FAM20C: variants seen among roughly 807,000 people sequenced by gnomAD.
FAM20C encodes FAM20C golgi associated secretory pathway kinase.
Under a neutral mutation model 51.5 loss-of-function variants are expected in FAM20C, and 40 were observed. The ratio of observed to expected loss-of-function variants is 0.78; its 90% CI spans 0.60 to 1.01. FAM20C has a LOEUF of 1.01. Ranked by LOEUF, FAM20C falls within the 50% of genes least tolerant of loss-of-function variation. FAM20C has a pLI of 0.00. For synonymous variants in FAM20C, 406 were observed against 380.6 expected (o/e 1.07, Z -0.78); for missense variants, 861 against 844.7 (o/e 1.02, Z -0.24).
intron 5 of FAM20C, among the ~76,000 whole-genome samples, chr7:255,600 CCT>C (rs1200565500): frequency 6.6e-6 from 1 of 152,136 alleles, no homozygotes; most frequent in Non-Finnish European, 1.5e-5. Flanking sequence ...TAGACCAGCC[CCT>C]GATTTTCGAG....
At chr7:198,704 A>T (rs1249853640) in intron 2 of FAM20C, among the ~76,000 whole-genome samples, 1 of 152,202 alleles carries the variant, frequency 6.6e-6, no homozygotes, top group Non-Finnish European at 1.5e-5. Context: ...ATGTGCAAAT[A>T]CGAGTAAAGA....
Position 256,758 on chromosome 7 carries a change from T to A in FAM20C, c.1358T>A (p.Leu453His). The part of the protein sequence containing the change: ...DVMDMTIFDF[L>H]MGNMDRHHYE... ...ATGGACATGACGATCTTCGACTTCC[T>A]CATGGGTACGTCCCGCAGGGGCACG... is the stretch of plus-strand genomic sequence containing the variant. Residue 453 changes from leucine to histidine, a missense_variant, in exon 7 of 10, where the codon CTC becomes CAC. Transcript: ENST00000313766. 1 of 1,536,000 alleles carries A rather than the reference T, an allele frequency of 6.5e-7. No individual in the cohort carries two copies. Among genetic ancestry groups the A allele is most frequent in the Non-Finnish European group, 8.7e-7 (1 of 1,146,746 alleles).
chr7:230,527 TG>T (rs1787629130), intron 3 of FAM20C, among the ~76,000 whole-genome samples: 2 of 151,752 alleles, frequency 1.3e-5, no homozygotes, highest in South Asian at 4.2e-4. Flanking sequence ...GGATGGAGGG[TG>T]GCCGGGCCGT....
intron 3 of FAM20C, among the ~76,000 whole-genome samples, chr7:224,042 G>T (rs935154135): frequency 5.3e-5 from 8 of 149,718 alleles, no homozygotes; most frequent in Non-Finnish European, 7.4e-5. Flanking sequence ...TGTCCCCTGA[G>T]CCTTCTCTCA....
At chr7:253,085 C>T (rs1455227149) in intron 5 of FAM20C, among the ~76,000 whole-genome samples, 3 of 152,214 alleles carry the variant, frequency 2.0e-5, no homozygotes, top group African/African-American at 7.2e-5. Context: ...CTGGGCTGGG[C>T]AGGGCGGTCC....
intron 3 of FAM20C, among the ~76,000 whole-genome samples, chr7:235,299 G>T (rs1007417555): frequency 4.6e-5 from 7 of 152,010 alleles, no homozygotes; most frequent in African/African-American, 1.7e-4. Flanking sequence ...TGGGGTATCC[G>T]GCGCCTTCTG....
chr7:258,714 C>T lies in FAM20C; in HGVS notation c.1505+9C>T, dbSNP rs1313665594. On this transcript the variant is annotated intron_variant, in intron 9 of 9. Transcript: ENST00000313766. ...CTACAGCAGTGCTGCAGGTACAGCC[C>T]CTGCCGGAGCCGGCTCCAGCTCCAC... is the stretch of plus-strand genomic sequence containing the variant. 2 of 1,533,398 alleles carry T rather than the reference C, an allele frequency of 1.3e-6. No homozygotes were observed. Among genetic ancestry groups the T allele is most frequent in the African/African-American group, 2.7e-5 (2 of 72,976 alleles). 95.0% of individuals were successfully genotyped at this position (1,533,398 alleles called of 1,614,324 possible). A position where few individuals can be genotyped will look rare whatever the true frequency, so the allele number is the denominator to read the frequency against.
chr7:241,492 C>T (rs1033123587), intron 3 of FAM20C, among the ~76,000 whole-genome samples: 1 of 152,076 alleles, frequency 6.6e-6, no homozygotes, highest in Non-Finnish European at 1.5e-5. Flanking sequence ...AGGGAAAGAT[C>T]GATGGAGCCG....
chr7:203,158 G>A (rs1361210945), intron 2 of FAM20C, among the ~76,000 whole-genome samples: 1 of 152,182 alleles, frequency 6.6e-6, no homozygotes, highest in Non-Finnish European at 1.5e-5. Context: ...GGGCATCAGA[G>A]GGATCAGCTC....
At chr7:242,731 C>T (rs1465019842) in intron 3 of FAM20C, among the ~76,000 whole-genome samples, 1 of 152,214 alleles carries the variant, frequency 6.6e-6, no homozygotes, top group Non-Finnish European at 1.5e-5. Context: ...TTTCGAGTGT[C>T]CCACAGCCAT....
In FAM20C at chr7:192,723, G is replaced by GC. The variant is rs1469987302; in HGVS notation, c.-474dup. The stretch of plus-strand genomic sequence containing the variant: ...GGGCGCGGCGTGAGAGCAGAGCCCG[G>GC]CCCGGAGGAGCCGCCCCTTCCCCGC... On this transcript the variant is annotated 5_prime_UTR_variant, in exon 1 of 10. Transcript: ENST00000313766. Among the ~76,000 whole-genome samples the GC allele has an allele frequency of 2.0e-5, 3 of 148,824 alleles. No homozygotes were observed. Among genetic ancestry groups the GC allele is most frequent in the Non-Finnish European group, 3.0e-5 (2 of 66,628 alleles).
At chr7:200,890 A>G (rs1371756576) in intron 2 of FAM20C, among the ~76,000 whole-genome samples, 1 of 152,084 alleles carries the variant, frequency 6.6e-6, no homozygotes, top group Non-Finnish European at 1.5e-5. Context: ...GTAGGTTCCC[A>G]CAGTTCTAGC....
chr7:223,136 A>T (rs925204859), intron 3 of FAM20C, among the ~76,000 whole-genome samples: 1 of 152,076 alleles, frequency 6.6e-6, no homozygotes, highest in Non-Finnish European at 1.5e-5. Context: ...GTGTGTTCCT[A>T]TGAAGGGCAG....
At chr7:256,537 G>T in intron 6 of FAM20C, 117 bp from the exon 7 acceptor site, 3 of 813,170 alleles carry the variant, frequency 3.7e-6, no homozygotes, top group Non-Finnish European at 5.9e-6. Flanking sequence ...AGCCCGGGCG[G>T]GTCCATCTGC....
At chr7:203,648 G>A (rs755921212) in intron 2 of FAM20C, among the ~76,000 whole-genome samples, 5 of 152,202 alleles carry the variant, frequency 3.3e-5, no homozygotes, top group South Asian at 2.1e-4. Flanking sequence ...ACAGGAAGCC[G>A]AGTCCTCAGT....
In FAM20C at chr7:256,566, C is replaced by T. The variant is rs1005750515; in HGVS notation, c.1254-88C>T. 35 of 1,081,360 alleles carry T rather than the reference C, an allele frequency of 3.2e-5. 1 individual carries two copies. The highest frequency in any genetic ancestry group is 2.6e-4 in the Middle Eastern group (1 of 3,858). The allele number at this position is 1,081,360 out of a possible 1,614,324, so 67.0% of individuals were successfully genotyped here. A position where few individuals can be genotyped will look rare whatever the true frequency, so the allele number is the denominator to read the frequency against. ...CATCTGCAGACGCCAAGGTCCCTGC[C>T]GCAGTGTTTCTCTTCTGCTCCTCAT... On this transcript the variant is annotated intron_variant, in intron 6 of 9. Coordinates refer to ENST00000313766, the MANE Select transcript of FAM20C (RefSeq NM_020223.4).
At chr7:248,602 A>C (rs1788269916) in intron 5 of FAM20C, among the ~76,000 whole-genome samples, 172 bp downstream of exon 5, 1 of 130,498 alleles carries the variant, frequency 7.7e-6, no homozygotes, top group Non-Finnish European at 1.6e-5. Flanking sequence ...GGCCGCATTC[A>C]TCTCTTCAGG....
chr7:246,821 C>T (rs900457851), intron 4 of FAM20C, among the ~76,000 whole-genome samples: 4 of 152,258 alleles, frequency 2.6e-5, no homozygotes, highest in Non-Finnish European at 4.4e-5. Context: ...TCCCCCTTTA[C>T]AGATGAGAAA....
At chr7:256,829 C>T (rs975435451) in intron 7 of FAM20C, 66 bp downstream of exon 7, 71 of 1,470,890 alleles carry the variant, frequency 4.8e-5, no homozygotes, top group African/African-American at 8.4e-5. Context: ...GCACGCAGGG[C>T]TCTGCAGGGC....
Sources: allele counts gnomAD v4.1 joint callset (sites outside exome capture counted in the v4.1 genomes callset), GRCh38; gene constraint gnomAD v4.1.1; transcripts MANE v1.5; gene names NCBI Gene and HGNC (gene_info 2026-07-23, HGNC 2026-07-21).